HPS5: variants seen among roughly 807,000 people sequenced by gnomAD.
HPS5 encodes HPS5 biogenesis of lysosomal organelles complex 2 subunit 2, also known as BLOC-2 complex member HPS5.
A neutral mutation model predicts 128.0 loss-of-function variants in HPS5; 83 were observed. The ratio of observed to expected loss-of-function variants is 0.65; its 90% CI spans 0.54 to 0.78. The LOEUF (loss-of-function observed/expected upper bound fraction) is 0.78. Ranked by LOEUF, HPS5 falls within the 30% of genes least tolerant of loss-of-function variation. The probability of loss-of-function intolerance (pLI) is 0.00; values close to 1 mark genes in which losing one functional copy is unlikely to be tolerated. For synonymous variants in HPS5, 475 were observed against 470.2 expected (o/e 1.01, Z -0.13); for missense variants, 1,281 against 1,326.2 (o/e 0.97, Z 0.53).
chr11:18,311,507 TATTA>T, intron 3 of HPS5, 56 bp from the exon 4 acceptor site: 13 of 848,480 alleles, frequency 1.5e-5, no homozygotes, highest in South Asian at 1.3e-4. Flanking sequence ...TTATTATTAT[TATTA>T]TTTTTTTTTT....
chr11:18,285,242 G>A (rs1859554613), intron 20 of HPS5, 104 bp downstream of exon 20: 2 of 647,116 alleles, frequency 3.1e-6, no homozygotes, highest in Admixed American at 2.8e-5. Context: ...ATAGCAAAGA[G>A]AATCCCCAAA....
In HPS5 at chr11:18,300,911, T is replaced by C. The variant is rs1191854386; in HGVS notation, c.902A>G (p.His301Arg). Residue 301 changes from histidine (H) to arginine (R), a missense_variant, in exon 9 of 23, where the codon CAT becomes CGT. By Grantham distance (29) the His-to-Arg change is conservative. Transcript: ENST00000349215. The part of the protein sequence containing the change: ...SFPKLLHLSE[H>R]CVLTWTERGI... ...TCTTTCTGTCCAAGTCAGCACACAA[T>C]GCTCACTGCAAGAGAAGAAGTGAAG... The C allele has an allele frequency of 1.3e-6, 2 of 1,577,426 alleles. No individual in the cohort carries two copies. The highest frequency in any genetic ancestry group is 1.7e-6 in the Non-Finnish European group (2 of 1,146,738).
At chr11:18,309,956 T>C (rs114910120) in intron 5 of HPS5, among the ~76,000 whole-genome samples, 5,182 of 152,280 alleles carry the variant, frequency 0.034, 289 homozygotes, top group African/African-American at 0.12. Flanking sequence ...TGAGCCATGA[T>C]CTCACCACTG....
At chr11:18,286,111 C>T (rs1859678612) in intron 19 of HPS5, among the ~76,000 whole-genome samples, 1 of 152,198 alleles carries the variant, frequency 6.6e-6, no homozygotes, top group Non-Finnish European at 1.5e-5. Context: ...AATTTCAGAA[C>T]CACTAAGAAA....
rs1009068532 is a variant in HPS5, at chr11:18,291,860, T to C, written c.2022A>G (p.Leu674=). ...NSSMKLNQDV[L]LVNESKKGIL... ...TTCCCTTTTTTGATTCATTAACTAA[T>C]AGCACATCCTGGTTCAATTTCATGG... is the stretch of plus-strand genomic sequence containing the variant. The change falls in exon 16 of 23, where the codon CTA becomes CTG. Residue 674 remains leucine, a synonymous_variant. Coordinates refer to ENST00000349215, the MANE Select transcript of HPS5 (RefSeq NM_181507.2). 5 of 1,608,764 alleles carry C rather than the reference T, an allele frequency of 3.1e-6. No homozygotes were observed. Among genetic ancestry groups the C allele is most frequent in the East Asian group, 2.2e-5 (1 of 44,794 alleles).
In HPS5 at chr11:18,317,867, A is replaced by C. The variant is rs1477269404; in HGVS notation, c.-9T>G. ...ACTGGCACAAAAGCCATTTAGCCAG[A>C]AAGCTGAAACTTGTTGAATGATAGA... On this transcript the variant is annotated 5_prime_UTR_variant, in exon 2 of 23. Coordinates refer to ENST00000349215, the MANE Select transcript of HPS5 (RefSeq NM_181507.2). The C allele has an allele frequency of 5.0e-6, 8 of 1,612,082 alleles. No homozygotes were observed. Among genetic ancestry groups the C allele is most frequent in the Non-Finnish European group, 5.9e-6 (7 of 1,178,950 alleles).
At chr11:18,280,532 T>A in intron 22 of HPS5, 2 of 696,126 alleles carry the variant, frequency 2.9e-6, no homozygotes, top group South Asian at 3.0e-5. Context: ...AATTCCACTT[T>A]CAGGTATATA....
intron 3 of HPS5, 149 bp downstream of exon 3, chr11:18,311,765 C>A: frequency 1.4e-6 from 1 of 726,692 alleles, no homozygotes. Flanking sequence ...TCCGCCTTGG[C>A]CTCCCAAAAT....
At chr11:18,309,332 G>A (rs1315433407) in intron 5 of HPS5, among the ~76,000 whole-genome samples, 2 of 152,166 alleles carry the variant, frequency 1.3e-5, no homozygotes, top group African/African-American at 2.4e-5. Context: ...AGGTTAGAAC[G>A]AAAAAGATGA....
At position 18,309,009 on chromosome 11, in the gene HPS5, T is replaced by C. The variant is rs774083352; in HGVS notation, c.548A>G (p.Asp183Gly). 1 of 1,613,788 alleles carries C rather than the reference T, an allele frequency of 6.2e-7. No individual in the cohort carries two copies. Among genetic ancestry groups the C allele is most frequent in the South Asian group, 1.1e-5 (1 of 91,076 alleles). ...TTVDSCVVQL[D>G]YLDGRLLISS... ...TATAAGTAGCCTTCCATCCAAATAA[T>C]CTAACTGTACAACACAGGAGTCAAC... The change falls in exon 6 of 23, where the codon GAT (aspartate) becomes GGT (glycine). Residue 183 changes from aspartate (D) to glycine (G), a missense_variant. By Grantham distance (94) the Asp-to-Gly change is moderately conservative (BLOSUM62 -1). Coordinates refer to ENST00000349215, the MANE Select transcript of HPS5 (RefSeq NM_181507.2).
In HPS5 at chr11:18,310,884, G is replaced by T; in HGVS notation, c.334C>A (p.Pro112Thr). Reference sequence around the variant, plus strand: ...TCTGAAGACACATACATTTGTTCCGGTTTCCCACGACGCTCTTGATTTAAT... The same window carrying T: ...TCTGAAGACACATACATTTGTTCCGTTTTCCCACGACGCTCTTGATTTAAT... ...WELNQERRGK[P>T]EQMYVSSEHK... The change falls in exon 5 of 23, where the codon CCG (proline) becomes ACG (threonine). Residue 112 changes from proline (P) to threonine (T), a missense_variant. Coordinates refer to ENST00000349215, the MANE Select transcript of HPS5 (RefSeq NM_181507.2). The T allele has an allele frequency of 6.2e-7, 1 of 1,611,684 alleles. No homozygotes were observed. The highest frequency in any genetic ancestry group is 8.5e-7 in the Non-Finnish European group (1 of 1,179,162).
chr11:18,303,808 C>T (rs1862018995), intron 8 of HPS5, among the ~76,000 whole-genome samples: 2 of 150,954 alleles, frequency 1.3e-5, no homozygotes, highest in African/African-American at 2.4e-5. Context: ...GAGCTAAGAT[C>T]GCACCACTGC....
chr11:18,281,876 C>T, intron 22 of HPS5, 74 bp downstream of exon 22: 1 of 1,553,474 alleles, frequency 6.4e-7, no homozygotes, highest in Non-Finnish European at 8.9e-7. Context: ...ATGATCTCCA[C>T]ATCTACATCT....
chr11:18,310,039 G>A (rs967128775), intron 5 of HPS5, among the ~76,000 whole-genome samples: 6 of 152,146 alleles, frequency 3.9e-5, no homozygotes, highest in African/African-American at 1.2e-4. Context: ...ATAGTAGTTA[G>A]AGCCTTTCTT....
At position 18,279,915 on chromosome 11, in the gene HPS5, T is replaced by C; in HGVS notation, c.3357A>G (p.Lys1119=). 6.2e-7 allele frequency: 1 copy of C among 1,614,060 alleles called. No individual in the cohort carries two copies. The highest frequency in any genetic ancestry group is 8.5e-7 in the Non-Finnish European group (1 of 1,179,916). ...QRALIQSMLE[K]CDRFLWSQQA ...GCTGGGACCAGAGAAACCGATCGCA[T>C]TTTTCAAGCATGCTTTGTATCAAGG... The change falls in exon 23 of 23, where the codon AAA becomes AAG. Residue 1119 remains lysine, a synonymous_variant. Coordinates refer to ENST00000349215, the MANE Select transcript of HPS5 (RefSeq NM_181507.2).
chr11:18,305,648 T>C (rs961354056), intron 7 of HPS5, among the ~76,000 whole-genome samples, 155 bp from the exon 8 acceptor site: 1 of 151,994 alleles, frequency 6.6e-6, no homozygotes, highest in Non-Finnish European at 1.5e-5. Flanking sequence ...ATAGGAGAGG[T>C]AATTATCAAA....
intron 21 of HPS5, 91 bp from the exon 22 acceptor site, chr11:18,282,311 CA>C (rs1462727418): frequency 1.4e-6 from 2 of 1,409,194 alleles, no homozygotes; most frequent in African/African-American, 2.8e-5. Context: ...TGTTTAATGC[CA>C]AAACGTAAAA....
At chr11:18,293,781 CAT>C (rs1217052334) in intron 14 of HPS5, among the ~76,000 whole-genome samples, 1 of 152,112 alleles carries the variant, frequency 6.6e-6, no homozygotes, top group Non-Finnish European at 1.5e-5. Context: ...GGATAGAAGA[CAT>C]AGCATGAAGA....
chr11:18,321,535 G>C (rs182780335), intron 1 of HPS5, among the ~76,000 whole-genome samples: 1 of 152,342 alleles, frequency 6.6e-6, no homozygotes, highest in Admixed American at 6.5e-5. Context: ...AAATGGTAGA[G>C]CTGAGATTAG....
Sources: allele counts gnomAD v4.1 joint callset (sites outside exome capture counted in the v4.1 genomes callset), GRCh38; gene constraint gnomAD v4.1.1; transcripts MANE v1.5; gene names NCBI Gene and HGNC (gene_info 2026-07-23, HGNC 2026-07-21).